Variants in KCNIP1 observed in about 807,000 individuals in gnomAD.
KCNIP1 encodes potassium voltage-gated channel interacting protein 1, also known as A-type potassium channel modulatory protein KCNIP1.
Under a neutral mutation model 33.0 loss-of-function variants are expected in KCNIP1, and 18 were observed. That is an observed-to-expected ratio of 0.55 (90% confidence interval 0.38 to 0.81). The LOEUF (loss-of-function observed/expected upper bound fraction) is 0.81. Among genes scored for constraint, KCNIP1 ranks in the 30% least tolerant of loss-of-function variants. The pLI is 0.00. For missense variants in KCNIP1, 238 were observed against 271.6 expected (o/e 0.88, Z 0.87); for synonymous variants, 93 against 98.3 (o/e 0.95, Z 0.32).
intron 1 of KCNIP1, among the ~76,000 whole-genome samples, chr5:170,643,280 C>T (rs1291536476): frequency 1.3e-5 from 2 of 152,272 alleles, no homozygotes; most frequent in Non-Finnish European, 2.9e-5. Flanking sequence ...GCCTGGCCAA[C>T]ACCTTGACTT....
At chr5:170,523,969 G>A (rs577675120) in intron 1 of KCNIP1, among the ~76,000 whole-genome samples, 2 of 152,150 alleles carry the variant, frequency 1.3e-5, no homozygotes, top group African/African-American at 4.8e-5. Flanking sequence ...TACAGCAGAT[G>A]TGTCTTGGCT....
intron 1 of KCNIP1, among the ~76,000 whole-genome samples, chr5:170,593,919 G>C (rs1758353685): frequency 6.6e-5 from 10 of 152,250 alleles, no homozygotes; most frequent in Admixed American, 6.5e-4. Flanking sequence ...GTAGGCTCTA[G>C]CTTCAGGTGA....
chr5:170,464,975 T>C (rs2113117478), intron 1 of KCNIP1, among the ~76,000 whole-genome samples: 1 of 152,322 alleles, frequency 6.6e-6, no homozygotes, highest in East Asian at 1.9e-4. Context: ...AGCTCCCATA[T>C]GATCACTTCC....
At chr5:170,506,901 T>C (rs1205524183) in intron 1 of KCNIP1, among the ~76,000 whole-genome samples, 1 of 152,168 alleles carries the variant, frequency 6.6e-6, no homozygotes, top group Non-Finnish European at 1.5e-5. Context: ...CCTTGCATAG[T>C]GGAATGCTAA....
intron 1 of KCNIP1, among the ~76,000 whole-genome samples, chr5:170,497,369 C>G (rs895042459): frequency 6.6e-6 from 1 of 152,178 alleles, no homozygotes; most frequent in Non-Finnish European, 1.5e-5. Flanking sequence ...AACTGAGGAT[C>G]AGTGAAGTTA....
At chr5:170,733,728 G>A (rs1764289313) in intron 6 of KCNIP1, 108 bp from the exon 7 acceptor site, 1 of 896,334 alleles carries the variant, frequency 1.1e-6, no homozygotes, top group Admixed American at 2.3e-5. Context: ...TGAAATGAAT[G>A]AAATGAGCTC....
intron 1 of KCNIP1, among the ~76,000 whole-genome samples, chr5:170,529,058 T>G (rs1051581411): frequency 6.6e-6 from 1 of 152,136 alleles, no homozygotes; most frequent in Non-Finnish European, 1.5e-5. Flanking sequence ...GAAAACCAAC[T>G]CTTCCTGTTT....
chr5:170,518,217 G>A (rs890531109), intron 1 of KCNIP1, among the ~76,000 whole-genome samples: 2 of 152,140 alleles, frequency 1.3e-5, no homozygotes, highest in East Asian at 3.9e-4. Flanking sequence ...GATAGTGGTA[G>A]TGGTGTCAAC....
intron 1 of KCNIP1, among the ~76,000 whole-genome samples, chr5:170,583,850 GTTA>G (rs1004629149): frequency 2.6e-5 from 4 of 152,168 alleles, no homozygotes; most frequent in Non-Finnish European, 5.9e-5. Context: ...AATTTTTTAT[GTTA>G]TTATTGTGGC....
chr5:170,660,632 C>G (rs908316945), intron 1 of KCNIP1, among the ~76,000 whole-genome samples: 3 of 152,204 alleles, frequency 2.0e-5, no homozygotes, highest in African/African-American at 7.2e-5. Flanking sequence ...GTGTCTGCCT[C>G]TAGCGACATG....
At chr5:170,681,053 C>T (rs748807096) in intron 1 of KCNIP1, 78 of 399,504 alleles carry the variant, frequency 2.0e-4, no homozygotes, top group Admixed American at 6.6e-4. Context: ...TGCCGGTGCG[C>T]CAGGGTGCTG....
chr5:170,692,906 C>T (rs189441093), intron 1 of KCNIP1, among the ~76,000 whole-genome samples: 168 of 152,268 alleles, frequency 1.1e-3, no homozygotes, highest in Non-Finnish European at 1.2e-3. Flanking sequence ...AACTCATAAA[C>T]TTAATGAAAC....
chr5:170,693,177 C>T (rs558403325), intron 1 of KCNIP1, among the ~76,000 whole-genome samples: 16 of 152,324 alleles, frequency 1.1e-4, no homozygotes, highest in African/African-American at 2.6e-4. Flanking sequence ...CCCACTCCCT[C>T]GCCCTCTCAC....
chr5:170,578,680 G>T (rs1427592061), intron 1 of KCNIP1, among the ~76,000 whole-genome samples: 1 of 152,166 alleles, frequency 6.6e-6, no homozygotes, highest in African/African-American at 2.4e-5. Flanking sequence ...TCATCTTAAA[G>T]TTAAAGGAGA....
chr5:170,678,171 C>T (rs994782583), intron 1 of KCNIP1, among the ~76,000 whole-genome samples: 1 of 152,214 alleles, frequency 6.6e-6, no homozygotes, highest in African/African-American at 2.4e-5. Flanking sequence ...GAGAAGAAGG[C>T]AGGTTTTCTG....
chr5:170,539,904 T>C (rs1756132236), intron 1 of KCNIP1, among the ~76,000 whole-genome samples: 2 of 152,174 alleles, frequency 1.3e-5, no homozygotes, highest in African/African-American at 2.4e-5. Context: ...GTTCTCAAGG[T>C]CGCAAATATT....
chr5:170,673,349 C>T (rs1012475590), intron 1 of KCNIP1, among the ~76,000 whole-genome samples: 1 of 152,216 alleles, frequency 6.6e-6, no homozygotes, highest in African/African-American at 2.4e-5. Flanking sequence ...GGCTCTATTC[C>T]CGATCTGTTA....
chr5:170,436,916 T>C (rs1214506810), intron 1 of KCNIP1, among the ~76,000 whole-genome samples: 3 of 152,212 alleles, frequency 2.0e-5, no homozygotes, highest in Non-Finnish European at 4.4e-5. Flanking sequence ...ACTAGGTTCA[T>C]GGCTGAGGCA....
intron 5 of KCNIP1, among the ~76,000 whole-genome samples, chr5:170,731,963 A>G (rs1764219589): frequency 6.6e-6 from 1 of 151,810 alleles, no homozygotes; most frequent in Admixed American, 6.6e-5. Flanking sequence ...AAGCCATGTT[A>G]ATTTCCTGGG....
Sources: gnomAD v4.1 joint callset for allele counts (sites outside exome capture counted in the v4.1 genomes callset) on GRCh38, gnomAD v4.1.1 for gene constraint, MANE v1.5 for transcripts, NCBI Gene and HGNC (gene_info 2026-07-23, HGNC 2026-07-21) for gene names.